LNPEP: variants seen among roughly 807,000 people sequenced by gnomAD.
The protein encoded by LNPEP is leucyl and cystinyl aminopeptidase, also known as leucyl-cystinyl aminopeptidase.
Under a neutral mutation model 120.6 loss-of-function variants are expected in LNPEP, and 64 were observed. The observed-to-expected ratio is 0.53, with a 90% CI of 0.43 to 0.65. LNPEP has a LOEUF of 0.65. Ranked by LOEUF, LNPEP falls within the 30% of genes least tolerant of loss-of-function variation. The pLI is 0.00. For synonymous variants in LNPEP, 435 were observed against 425.4 expected (o/e 1.02, Z -0.28); for missense variants, 1,057 against 1,200.0 (o/e 0.88, Z 1.76).
chr5:96,991,229 G>A (rs190528029), intron 4 of LNPEP, among the ~76,000 whole-genome samples: 3 of 152,244 alleles, frequency 2.0e-5, no homozygotes, highest in African/African-American at 4.8e-5. Context: ...AGGTTGCTGC[G>A]ATTGCCATTA....
chr5:97,013,714 T>C lies in LNPEP; in HGVS notation c.2102T>C (p.Ile701Thr), dbSNP rs1453539509. The C allele has an allele frequency of 6.2e-7, 1 of 1,608,682 alleles. No homozygotes were observed. Among genetic ancestry groups the C allele is most frequent in the South Asian group, 1.1e-5 (1 of 90,452 alleles). The change falls in exon 12 of 18, where the codon ATT (isoleucine) becomes ACT (threonine). Residue 701 changes from isoleucine (I) to threonine (T), a missense_variant. Physicochemically the swap from Ile to Thr is moderately conservative, Grantham distance 89. Coordinates refer to ENST00000231368, the MANE Select transcript of LNPEP (RefSeq NM_005575.3). Reference protein sequence around the residue: ...KVNINMNGYYIVHYADDDWEA... With the variant: ...KVNINMNGYYTVHYADDDWEA... ...AATATAAACATGAATGGTTATTATA[T>C]TGTACACTATGCAGATGATGATTGG...
At chr5:96,985,013 T>C in intron 2 of LNPEP, 67 bp from the exon 3 acceptor site, 1 of 1,530,658 alleles carries the variant, frequency 6.5e-7, no homozygotes, top group Non-Finnish European at 9.0e-7. Flanking sequence ...TATCTTAGTA[T>C]ACTTGGCAGG....
chr5:96,937,496 A>G (rs1788939506), intron 1 of LNPEP: 1 of 152,354 alleles, frequency 6.6e-6, no homozygotes, highest in Admixed American at 6.5e-5. Context: ...GAATTAAGGA[A>G]GGTTTGAGCT....
chr5:96,947,555 C>T (rs1789216690), intron 1 of LNPEP, among the ~76,000 whole-genome samples: 2 of 151,984 alleles, frequency 1.3e-5, no homozygotes, highest in African/African-American at 2.4e-5. Flanking sequence ...TTGTATTGTA[C>T]TTGGTAATTT....
chr5:96,967,725 C>T (rs1789763688), intron 1 of LNPEP, among the ~76,000 whole-genome samples: 1 of 152,106 alleles, frequency 6.6e-6, no homozygotes, highest in African/African-American at 2.4e-5. Flanking sequence ...AACCTGGATT[C>T]AGCCCTTGAA....
At chr5:96,970,137 A>T (rs1561435531) in intron 1 of LNPEP, among the ~76,000 whole-genome samples, 1 of 151,784 alleles carries the variant, frequency 6.6e-6, no homozygotes, top group African/African-American at 2.4e-5. Flanking sequence ...TGAATGTTTC[A>T]TATGTATTTC....
chr5:97,018,510 G>A (rs533992973), intron 13 of LNPEP, among the ~76,000 whole-genome samples: 10 of 152,134 alleles, frequency 6.6e-5, no homozygotes, highest in East Asian at 1.9e-4. Flanking sequence ...AAGATTGGAC[G>A]CCCTTTTACT....
chr5:97,003,835 G>T (rs1279695274), intron 9 of LNPEP, among the ~76,000 whole-genome samples: 1 of 149,900 alleles, frequency 6.7e-6, no homozygotes, highest in South Asian at 2.1e-4. Flanking sequence ...TAGGAAAGTT[G>T]TCTTCTCCGT....
Position 96,979,186 on chromosome 5 carries a change from A to C in LNPEP, c.68A>C (p.Glu23Ala). 6.2e-7 allele frequency: 1 copy of C among 1,613,540 alleles called. No individual in the cohort carries two copies. The highest frequency in any genetic ancestry group is 8.5e-7 in the Non-Finnish European group (1 of 1,179,692). ...ATGATTGAAAACAGCATGTTTGAGG[A>C]AGAACCAGATGTGGTGGATTTAGCC... ...RNMIENSMFE[E>A]EPDVVDLAKE... The change falls in exon 2 of 18, where the codon GAA (glutamate) becomes GCA (alanine). Residue 23 changes from glutamate (E) to alanine (A), a missense_variant. Transcript: ENST00000231368.
At chr5:96,949,354 C>T (rs1460812390) in intron 1 of LNPEP, among the ~76,000 whole-genome samples, 11 of 152,222 alleles carry the variant, frequency 7.2e-5, no homozygotes, top group East Asian at 5.8e-4. Context: ...CCCATAGGAG[C>T]ATGAACCCTA....
chr5:96,936,353 G>A, intron 1 of LNPEP, 179 bp downstream of exon 1: 1 of 442,088 alleles, frequency 2.3e-6, no homozygotes, highest in Non-Finnish European at 3.8e-6. Flanking sequence ...GGGGGCGGGC[G>A]GCGGCCAGTG....
At chr5:97,027,048 G>T (rs1484063909) in intron 16 of LNPEP, among the ~76,000 whole-genome samples, 1 of 152,130 alleles carries the variant, frequency 6.6e-6, no homozygotes, top group Non-Finnish European at 1.5e-5. Flanking sequence ...ATTTAGCTAT[G>T]CATATTGAAA....
chr5:96,976,315 G>A (rs1343040957), intron 1 of LNPEP, among the ~76,000 whole-genome samples: 1 of 151,996 alleles, frequency 6.6e-6, no homozygotes, highest in African/African-American at 2.4e-5. Flanking sequence ...CTCCATTTCT[G>A]AAAGATTAAA....
chr5:96,960,880 G>A (rs142545787), intron 1 of LNPEP, among the ~76,000 whole-genome samples: 3 of 149,990 alleles, frequency 2.0e-5, no homozygotes, highest in Admixed American at 1.3e-4. Flanking sequence ...CAAAAAATAT[G>A]TTTTTTTTTT....
At chr5:96,996,667 A>G (rs531746426) in intron 7 of LNPEP, among the ~76,000 whole-genome samples, 164 bp downstream of exon 7, 2 of 152,298 alleles carry the variant, frequency 1.3e-5, no homozygotes, top group Middle Eastern at 3.4e-3. Flanking sequence ...AGATTTGACA[A>G]TGAAAGGGAT....
intron 8 of LNPEP, 120 bp downstream of exon 8, chr5:96,998,265 T>A: frequency 1.3e-6 from 1 of 793,104 alleles, no homozygotes; most frequent in Non-Finnish European, 1.9e-6. Context: ...GTATTAATGG[T>A]AAACTATAAA....
At chr5:96,997,213 A>G (rs1049286688) in intron 7 of LNPEP, among the ~76,000 whole-genome samples, 4 of 152,022 alleles carry the variant, frequency 2.6e-5, no homozygotes, top group African/African-American at 4.8e-5. Context: ...CCAACCCCCA[A>G]ATTTTTTGAC....
chr5:96,968,400 T>G (rs1465563454), intron 1 of LNPEP, among the ~76,000 whole-genome samples: 1 of 152,128 alleles, frequency 6.6e-6, no homozygotes, highest in East Asian at 1.9e-4. Context: ...TAGTGTCGTT[T>G]ACTATAAATC....
intron 1 of LNPEP, among the ~76,000 whole-genome samples, chr5:96,946,003 C>T (rs371925694): frequency 6.6e-6 from 1 of 152,104 alleles, no homozygotes; most frequent in East Asian, 1.9e-4. Flanking sequence ...GTCTGCTTGT[C>T]CTATAATTGT....
Sources: gnomAD v4.1 joint callset for allele counts (sites outside exome capture counted in the v4.1 genomes callset) on GRCh38, gnomAD v4.1.1 for gene constraint, MANE v1.5 for transcripts, NCBI Gene and HGNC (gene_info 2026-07-23, HGNC 2026-07-21) for gene names.